ITGB6: variants seen among roughly 807,000 people sequenced by gnomAD.
ITGB6 encodes integrin subunit beta 6.
In ITGB6, 80 loss-of-function variants were observed where a neutral mutation model predicts 84.5. The ratio of observed to expected loss-of-function variants is 0.95; its 90% CI spans 0.79 to 1.14. The LOEUF (loss-of-function observed/expected upper bound fraction) is 1.14, where lower values mean the gene tolerates loss of function less well. Ranked by LOEUF, ITGB6 falls within the 50% of genes most tolerant of loss-of-function variation. The pLI, the probability that ITGB6 is intolerant of heterozygous loss-of-function variation, is 0.00. For missense variants in ITGB6, 1,006 were observed against 968.0 expected (o/e 1.04, Z -0.52); for synonymous variants, 383 against 354.9 (o/e 1.08, Z -0.89).
intron 7 of ITGB6, among the ~76,000 whole-genome samples, chr2:160,150,408 G>T (rs1684368224): frequency 6.6e-6 from 1 of 152,192 alleles, no homozygotes; most frequent in Admixed American, 6.5e-5. Context: ...AGCAAATGCT[G>T]AGAGATTTTG....
At chr2:160,134,235 C>A (rs920003237) in intron 10 of ITGB6, among the ~76,000 whole-genome samples, 14 of 152,158 alleles carry the variant, frequency 9.2e-5, no homozygotes, top group African/African-American at 3.1e-4. Flanking sequence ...CACCACTGAT[C>A]CCACAGAAAT....
intron 7 of ITGB6, among the ~76,000 whole-genome samples, chr2:160,156,860 A>G (rs1684641341): frequency 1.3e-5 from 2 of 152,188 alleles, no homozygotes. Context: ...GTGCCTGGCA[A>G]TGGCTATCTT....
intron 10 of ITGB6, among the ~76,000 whole-genome samples, chr2:160,133,211 G>A (rs1285306026): frequency 1.3e-5 from 2 of 152,102 alleles, no homozygotes; most frequent in African/African-American, 2.4e-5. Context: ...TAAAGGGATG[G>A]AGGAAGATCT....
chr2:160,137,528 A>G lies in ITGB6; in HGVS notation c.1566T>C (p.Cys522=), dbSNP rs771722556. Reference sequence around the variant, plus strand: ...TTCCATAGGGAGACAAGTGGCAGATACACTGCCCACAGTAGCAGTCACCCC... The same window carrying G: ...TTCCATAGGGAGACAAGTGGCAGATGCACTGCCCACAGTAGCAGTCACCCC... ...SGRGDCYCGQ[C]ICHLSPYGNI... is the part of the protein sequence containing the mutation. The change falls in exon 10 of 15, where the codon TGT becomes TGC. Residue 522 remains cysteine, a synonymous_variant. Transcript: ENST00000283249. 3 of 1,613,964 alleles carry G rather than the reference A, an allele frequency of 1.9e-6. No homozygotes were observed. The Admixed American group carries it at 5.0e-5, about 27-fold the overall frequency.
Position 160,101,795 on chromosome 2 carries a change from T to G in ITGB6, c.2308A>C (p.Lys770Gln), listed in dbSNP as rs1434516613. The G allele has an allele frequency of 1.9e-6, 3 of 1,602,448 alleles. No individual in the cohort carries two copies. Among genetic ancestry groups the G allele is most frequent in the Non-Finnish European group, 8.5e-7 (1 of 1,169,802 alleles). The change falls in exon 15 of 15, where the codon AAA becomes CAA. Residue 770 changes from lysine to glutamine, a missense_variant. By Grantham distance (53) the Lys-to-Gln change is moderately conservative. Coordinates refer to ENST00000283249, the MANE Select transcript of ITGB6 (RefSeq NM_000888.5). ...PLYRGSTSTF[K>Q]NVTYKHREKQ... ...TCCCTGTGTTTATAAGTTACATTTT[T>G]AAAAGTACTTGTGGATCCTCTGTAG... is the stretch of plus-strand genomic sequence containing the variant.
rs1683477347 is a variant in ITGB6, at chr2:160,131,725, G to T, written c.1661-5124C>A. Reference sequence around the variant, plus strand: ...AAACAGTAATGGTTGAAGGAAATCGGCATTGGTGAAGTTTTCTGAGTCTAG... The same window carrying T: ...AAACAGTAATGGTTGAAGGAAATCGTCATTGGTGAAGTTTTCTGAGTCTAG... On this transcript the variant is annotated intron_variant, in intron 10 of 14. Coordinates refer to ENST00000283249, the MANE Select transcript of ITGB6 (RefSeq NM_000888.5). Among the ~76,000 whole-genome samples the T allele has an allele frequency of 2.0e-5, 3 of 152,136 alleles. No individual in the cohort carries two copies. The South Asian group carries it at 6.2e-4, about 32-fold the overall frequency.
At chr2:160,197,077 T>C (rs148492321) in intron 2 of ITGB6, among the ~76,000 whole-genome samples, 2 of 152,214 alleles carry the variant, frequency 1.3e-5, no homozygotes, top group Non-Finnish European at 1.5e-5. Flanking sequence ...TCTTGAAGTA[T>C]CCTAGTTCAA....
chr2:160,119,773 A>C (rs1418706878), intron 12 of ITGB6, among the ~76,000 whole-genome samples: 2 of 151,984 alleles, frequency 1.3e-5, no homozygotes, highest in African/African-American at 4.8e-5. Context: ...CTCATCTGAC[A>C]AAGGGCTAAT....
At chr2:160,178,391 C>T (rs979259602) in intron 4 of ITGB6, among the ~76,000 whole-genome samples, 5 of 152,142 alleles carry the variant, frequency 3.3e-5, no homozygotes, top group Admixed American at 6.5e-5. Context: ...CATACCATAC[C>T]GAAATGACAT....
chr2:160,138,704 A>G (rs1195264667), intron 8 of ITGB6, among the ~76,000 whole-genome samples: 1 of 152,208 alleles, frequency 6.6e-6, no homozygotes, highest in African/African-American at 2.4e-5. Flanking sequence ...AATTGAAGTC[A>G]TTCCTCCACC....
intron 7 of ITGB6, among the ~76,000 whole-genome samples, chr2:160,161,435 C>T (rs1322286049): frequency 6.6e-6 from 1 of 152,136 alleles, no homozygotes; most frequent in East Asian, 1.9e-4. Context: ...GGACTACAGG[C>T]ACATGCCACC....
chr2:160,158,897 G>C (rs1684721842), intron 7 of ITGB6, among the ~76,000 whole-genome samples: 1 of 152,058 alleles, frequency 6.6e-6, no homozygotes, highest in East Asian at 1.9e-4. Flanking sequence ...TCAGGAGATC[G>C]AGGCCATCCT....
At chr2:160,143,273 A>G (rs1684068533) in intron 7 of ITGB6, among the ~76,000 whole-genome samples, 2 of 152,194 alleles carry the variant, frequency 1.3e-5, no homozygotes, top group African/African-American at 4.8e-5. Flanking sequence ...TGACAAAGTG[A>G]GACCCTGTCT....
At chr2:160,105,981 G>A (rs1490982292) in intron 14 of ITGB6, among the ~76,000 whole-genome samples, 1 of 152,078 alleles carries the variant, frequency 6.6e-6, no homozygotes, top group Non-Finnish European at 1.5e-5. Flanking sequence ...AAGACCCATC[G>A]CTCAGATTCC....
At chr2:160,193,056 T>C (rs538338633) in intron 4 of ITGB6, among the ~76,000 whole-genome samples, 3 of 152,184 alleles carry the variant, frequency 2.0e-5, no homozygotes, top group Non-Finnish European at 2.9e-5. Context: ...AAATGGTATG[T>C]TCACTTTGGA....
intron 10 of ITGB6, among the ~76,000 whole-genome samples, chr2:160,127,117 A>G (rs535316958): frequency 2.0e-5 from 3 of 152,276 alleles, no homozygotes; most frequent in African/African-American, 7.2e-5. Context: ...AAAGTAAAGT[A>G]TTTTACCCCA....
chr2:160,174,060 C>T lies in ITGB6; in HGVS notation c.673G>A (p.Glu225Lys), dbSNP rs912839150. 2 of 1,613,088 alleles carry T rather than the reference C, an allele frequency of 1.2e-6. No individual in the cohort carries two copies. Among genetic ancestry groups the T allele is most frequent in the Non-Finnish European group, 8.5e-7 (1 of 1,179,680 alleles). ...PLTNDAERFN[E>K]IVKNQKISAN... The stretch of plus-strand genomic sequence containing the variant: ...GAAATTTTCTGATTCTTCACAATTT[C>T]ATTGAATCTTTCAGCATCATTTGTC... The change falls in exon 5 of 15, where the codon GAA becomes AAA. Residue 225 changes from glutamate to lysine, a missense_variant. Physicochemically the swap from Glu to Lys is moderately conservative, Grantham distance 56. Transcript: ENST00000283249.
At chr2:160,129,920 G>A (rs995212981) in intron 10 of ITGB6, among the ~76,000 whole-genome samples, 13 of 152,122 alleles carry the variant, frequency 8.5e-5, no homozygotes, top group African/African-American at 2.9e-4. Context: ...ATATATATGT[G>A]TGTGTGTATA....
At chr2:160,121,027 T>A (rs1016892257) in intron 12 of ITGB6, among the ~76,000 whole-genome samples, 2 of 150,818 alleles carry the variant, frequency 1.3e-5, no homozygotes, top group South Asian at 2.1e-4. Flanking sequence ...AACCTGCACA[T>A]TGTGCACATG....
Sources: allele counts gnomAD v4.1 joint callset (sites outside exome capture counted in the v4.1 genomes callset), GRCh38; gene constraint gnomAD v4.1.1; transcripts MANE v1.5; gene names NCBI Gene and HGNC (gene_info 2026-07-23, HGNC 2026-07-21).